The following ARHGAP26 variants were observed in gnomAD, a reference collection of about 807,000 sequenced individuals.
ARHGAP26 encodes the protein Rho GTPase activating protein 26, also known as rho GTPase-activating protein 26.
Under a neutral mutation model 104.8 loss-of-function variants are expected in ARHGAP26, and 38 were observed. The observed-to-expected ratio is 0.36, with a 90% CI of 0.28 to 0.48. ARHGAP26 has a LOEUF of 0.48. Among genes scored for constraint, ARHGAP26 ranks in the 20% least tolerant of loss-of-function variants. The pLI, the probability that ARHGAP26 is intolerant of heterozygous loss-of-function variation, is 0.99. For missense variants in ARHGAP26, 704 were observed against 947.9 expected (o/e 0.74, Z 3.38); for synonymous variants, 341 against 340.0 (o/e 1.00, Z -0.03).
Position 143,077,369 on chromosome 5 carries a change from C to T in ARHGAP26, c.1538+19622C>T, listed in dbSNP as rs1180559707. 3.9e-5 allele frequency among the ~76,000 whole-genome samples: 6 copies of T among 152,302 alleles called. No individual in the cohort carries two copies. In the South Asian group the frequency reaches 6.2e-4, roughly 16 times the overall value. ...CAGGAACTGAAGGATTAAATATCTTCATAGGATTACAGATGGGCTGATGTT... is the reference window on the plus strand; with the variant it reads ...CAGGAACTGAAGGATTAAATATCTTTATAGGATTACAGATGGGCTGATGTT... On this transcript the variant is annotated intron_variant, in intron 17 of 22. Coordinates refer to ENST00000645722, the MANE Select transcript of ARHGAP26 (RefSeq NM_001135608.3).
intron 14 of ARHGAP26, among the ~76,000 whole-genome samples, chr5:143,051,886 G>A (rs192113135): frequency 1.1e-4 from 16 of 152,214 alleles, no homozygotes; most frequent in African/African-American, 3.9e-4. Context: ...GTAGAAGTTG[G>A]TTTCTTCTTT....
intron 11 of ARHGAP26, among the ~76,000 whole-genome samples, chr5:142,961,050 A>G (rs1215756910): frequency 6.6e-6 from 1 of 152,182 alleles, no homozygotes; most frequent in Non-Finnish European, 1.5e-5. Flanking sequence ...TCTTCTGTAC[A>G]GCCTACTATG....
At position 142,982,932 on chromosome 5, in the gene ARHGAP26, C is replaced by T. The variant is rs570998999; in HGVS notation, c.1108-31148C>T. 1.3e-4 allele frequency among the ~76,000 whole-genome samples: 20 copies of T among 152,288 alleles called. 1 individual carries two copies. The highest frequency in any genetic ancestry group is 4.8e-4 in the African/African-American group (20 of 41,550). On this transcript the variant is annotated intron_variant, in intron 11 of 22. Transcript: ENST00000645722. ...CTGATGTGACCAGGAAGCAGCTGTC[C>T]AAGTTGCCTGTCCACCTCTGATAGC...
At chr5:142,935,460 A>G (rs959555152) in intron 11 of ARHGAP26, among the ~76,000 whole-genome samples, 1 of 152,246 alleles carries the variant, frequency 6.6e-6, no homozygotes, top group African/African-American at 2.4e-5. Flanking sequence ...ATGAATAGGT[A>G]TAGCCTTGCT....
In ARHGAP26 at chr5:142,954,055, C is replaced by G. The variant is rs1466736639; in HGVS notation, c.1107+21930C>G. 3.3e-5 allele frequency among the ~76,000 whole-genome samples: 5 copies of G among 152,214 alleles called. No individual in the cohort carries two copies. In the East Asian group the frequency reaches 9.6e-4, roughly 29 times the overall value. On this transcript the variant is annotated intron_variant, in intron 11 of 22. Transcript: ENST00000645722. Reference sequence around the variant, plus strand: ...ATGGCACGCAAGTATGCTGTCTGAGCAAAGGCGTTTTTAAGCGAGAGCTGT... The same window carrying G: ...ATGGCACGCAAGTATGCTGTCTGAGGAAAGGCGTTTTTAAGCGAGAGCTGT...
intron 19 of ARHGAP26, among the ~76,000 whole-genome samples, chr5:143,139,542 G>C (rs542858189): frequency 1.3e-5 from 2 of 152,316 alleles, no homozygotes; most frequent in East Asian, 1.9e-4. Flanking sequence ...CTACATGGGG[G>C]CAGTTGAACC....
chr5:142,827,299 A>C (rs1445918802), intron 1 of ARHGAP26, among the ~76,000 whole-genome samples: 4 of 151,984 alleles, frequency 2.6e-5, no homozygotes, highest in African/African-American at 9.7e-5. Context: ...CATCTGCAGG[A>C]GGGATTGAGA....
intron 17 of ARHGAP26, among the ~76,000 whole-genome samples, chr5:143,063,143 A>G (rs916543190): frequency 2.6e-5 from 4 of 152,090 alleles, no homozygotes; most frequent in Admixed American, 6.5e-5. Context: ...ACGCAGCCAC[A>G]TTGACCCCAT....
chr5:142,934,575 C>T (rs1421001553), intron 11 of ARHGAP26, among the ~76,000 whole-genome samples: 1 of 152,204 alleles, frequency 6.6e-6, no homozygotes, highest in Non-Finnish European at 1.5e-5. Flanking sequence ...TTAGCAGCTC[C>T]AGCTTTAATC....
intron 11 of ARHGAP26, among the ~76,000 whole-genome samples, chr5:143,008,961 T>C (rs1778372473): frequency 2.0e-5 from 3 of 152,264 alleles, no homozygotes; most frequent in East Asian, 1.9e-4. Flanking sequence ...AGAGGAAGCA[T>C]ATGAAGGCTT....
At chr5:143,106,766 C>A (rs60477396) in intron 17 of ARHGAP26, among the ~76,000 whole-genome samples, 7,428 of 152,228 alleles carry the variant, frequency 0.049, 609 homozygotes, top group African/African-American at 0.17. Flanking sequence ...AGCCACTGCA[C>A]CCAGCCTGGG....
intron 1 of ARHGAP26, among the ~76,000 whole-genome samples, chr5:142,838,514 A>G (rs1770070507): frequency 1.3e-5 from 2 of 152,198 alleles, no homozygotes; most frequent in African/African-American, 4.8e-5. Flanking sequence ...AGCCACGCTT[A>G]TTGGCTGTGT....
At chr5:143,169,124 A>G (rs1289474470) in intron 20 of ARHGAP26, among the ~76,000 whole-genome samples, 1 of 152,210 alleles carries the variant, frequency 6.6e-6, no homozygotes, top group African/African-American at 2.4e-5. Flanking sequence ...GGGCTCTAAC[A>G]GGAGCTATTC....
intron 5 of ARHGAP26, among the ~76,000 whole-genome samples, chr5:142,892,865 A>G (rs755588207): frequency 7.9e-5 from 12 of 152,170 alleles, no homozygotes; most frequent in Admixed American, 1.3e-4. Context: ...TACACCGTAC[A>G]TCAGTTAGCC....
At chr5:142,962,641 G>A (rs536368462) in intron 11 of ARHGAP26, among the ~76,000 whole-genome samples, 2 of 152,132 alleles carry the variant, frequency 1.3e-5, no homozygotes, top group South Asian at 4.2e-4. Context: ...TGTTTTAAAT[G>A]TCTGGTTGAT....
intron 1 of ARHGAP26, among the ~76,000 whole-genome samples, chr5:142,796,175 G>C (rs1760962655): frequency 6.6e-6 from 1 of 151,872 alleles, no homozygotes; most frequent in African/African-American, 2.4e-5. Flanking sequence ...TGCTTAGGAT[G>C]GCATCTGCTG....
At chr5:142,910,472 C>T (rs560359715) in intron 9 of ARHGAP26, among the ~76,000 whole-genome samples, 1 of 152,362 alleles carries the variant, frequency 6.6e-6, no homozygotes, top group South Asian at 2.1e-4. Flanking sequence ...GATGTGGTGG[C>T]TCACGCCTGT....
At chr5:142,823,776 T>C (rs1766675462) in intron 1 of ARHGAP26, among the ~76,000 whole-genome samples, 1 of 152,214 alleles carries the variant, frequency 6.6e-6, no homozygotes, top group African/African-American at 2.4e-5. Context: ...AATAATTGCT[T>C]TTGACAGATT....
chr5:143,183,933 A>G (rs3776235), intron 20 of ARHGAP26, among the ~76,000 whole-genome samples: 18,060 of 152,218 alleles, frequency 0.12, 1,369 homozygotes, highest in Non-Finnish European at 0.16. Context: ...TAGTTTTTAA[A>G]GATTGATGCT....
Sources: gnomAD v4.1 joint callset for allele counts (sites outside exome capture counted in the v4.1 genomes callset) on GRCh38, gnomAD v4.1.1 for gene constraint, MANE v1.5 for transcripts, NCBI Gene and HGNC (gene_info 2026-07-23, HGNC 2026-07-21) for gene names.